Variants in MAN1A2 observed in about 807,000 individuals in gnomAD.
MAN1A2 encodes the protein mannosyl-oligosaccharide 1,2-alpha-mannosidase IB.
MAN1A2 carries 26 observed loss-of-function variants against 75.7 expected under a neutral mutation model. The ratio of observed to expected loss-of-function variants is 0.34; its 90% CI spans 0.25 to 0.48. The LOEUF (loss-of-function observed/expected upper bound fraction) is 0.48, where lower values mean the gene tolerates loss of function less well. Ranked by LOEUF, MAN1A2 falls within the 20% of genes least tolerant of loss-of-function variation. MAN1A2 has a pLI of 0.99. For synonymous variants in MAN1A2, 247 were observed against 264.6 expected, an observed-to-expected ratio of 0.93 and a Z score of 0.65; for missense variants, 562 against 775.5, an observed-to-expected ratio of 0.72 and a Z score of 3.27.
intron 8 of MAN1A2, among the ~76,000 whole-genome samples, chr1:117,484,177 A>C (rs933943589): frequency 1.3e-5 from 2 of 151,952 alleles, no homozygotes; most frequent in Non-Finnish European, 1.5e-5. Flanking sequence ...TATATTATAT[A>C]CTGTATTCTT....
chr1:117,489,111 A>G (rs922462232), intron 8 of MAN1A2, among the ~76,000 whole-genome samples: 37 of 152,206 alleles, frequency 2.4e-4, no homozygotes, highest in African/African-American at 8.7e-4. Context: ...ATGATTGTGC[A>G]GTCCTCCATA....
Position 117,486,558 on chromosome 1 carries a change from A to G in MAN1A2, c.1169-6589A>G, listed in dbSNP as rs143619063. On this transcript the variant is annotated intron_variant, in intron 8 of 12. Coordinates refer to ENST00000356554, the MANE Select transcript of MAN1A2 (RefSeq NM_006699.5). ...ATTCATAGAGTAAAAATAGGATGCT[A>G]TGAAAAGGAAGCAATTAGAGAATGA... 6.7e-3 allele frequency among the ~76,000 whole-genome samples: 1,024 copies of G among 152,140 alleles called. 5 individuals are homozygous for G. Among genetic ancestry groups the G allele is most frequent in the African/African-American group, 0.023 (968 of 41,552 alleles).
chr1:117,483,761 C>A (rs944768489), intron 8 of MAN1A2, among the ~76,000 whole-genome samples: 1 of 152,036 alleles, frequency 6.6e-6, no homozygotes, highest in African/African-American at 2.4e-5. Context: ...GCCAGAACTT[C>A]CAACACTATG....
chr1:117,435,430 G>A (rs891478592), intron 5 of MAN1A2, among the ~76,000 whole-genome samples: 1 of 152,142 alleles, frequency 6.6e-6, no homozygotes, highest in Non-Finnish European at 1.5e-5. Context: ...TCACATGTGT[G>A]GTCAATCCTT....
intron 6 of MAN1A2, among the ~76,000 whole-genome samples, chr1:117,448,195 G>A (rs1196935439): frequency 6.6e-6 from 1 of 152,074 alleles, no homozygotes; most frequent in Non-Finnish European, 1.5e-5. Flanking sequence ...CTGAACGGGA[G>A]CTTATTAATG....
chr1:117,432,531 A>G (rs1221187297), intron 5 of MAN1A2, among the ~76,000 whole-genome samples: 1 of 152,228 alleles, frequency 6.6e-6, no homozygotes, highest in Non-Finnish European at 1.5e-5. Context: ...TAACATAGAC[A>G]AAACAAATTT....
Position 117,414,713 on chromosome 1 carries a change from G to A in MAN1A2, c.656G>A (p.Gly219Glu), listed in dbSNP as rs770126128. The A allele has an allele frequency of 1.3e-6, 2 of 1,524,678 alleles. No individual in the cohort carries two copies. The highest frequency in any genetic ancestry group is 1.8e-6 in the Non-Finnish European group (2 of 1,100,636). 94.4% of individuals were successfully genotyped at this position (1,524,678 alleles called of 1,614,324 possible). ...ATAATTTTTTTCTTCCCAAATATAG[G>A]AAGTTCACAAATGGGTGCTACCATA... ...ARKGHSPNIF[G>E]SSQMGATIVD... The change falls in exon 4 of 13, where the codon GGA becomes GAA. Residue 219 changes from glycine (G) to glutamate (E), a missense_variant and splice_region_variant. This residue lies in a region of MAN1A2 where 434 missense variants were observed against 645.7 expected (regional missense o/e 0.67). Transcript: ENST00000356554.
intron 5 of MAN1A2, among the ~76,000 whole-genome samples, chr1:117,423,885 CTT>C (rs568455134): frequency 1.5e-4 from 21 of 140,994 alleles, no homozygotes; most frequent in African/African-American, 1.6e-4. Context: ...TTCTTTCTTT[CTT>C]TTTTTTTTTT....
At chr1:117,494,550 A>G (rs1650981601) in intron 9 of MAN1A2, 1 of 151,984 alleles carries the variant, frequency 6.6e-6, no homozygotes, top group Admixed American at 6.6e-5. Context: ...ATTTGTTACA[A>G]TTGTTTTTAA....
At chr1:117,453,617 G>A (rs1380081345) in intron 6 of MAN1A2, among the ~76,000 whole-genome samples, 2 of 152,192 alleles carry the variant, frequency 1.3e-5, no homozygotes, top group African/African-American at 4.8e-5. Flanking sequence ...TTACAGATGA[G>A]CAGAGAAAGT....
intron 1 of MAN1A2, among the ~76,000 whole-genome samples, chr1:117,391,865 A>T (rs886440379): frequency 6.6e-6 from 1 of 152,144 alleles, no homozygotes; most frequent in Non-Finnish European, 1.5e-5. Context: ...TCCAGTCAGT[A>T]TTGTGAAAAA....
At chr1:117,506,136 G>A (rs919734999) in intron 12 of MAN1A2, among the ~76,000 whole-genome samples, 5 of 151,402 alleles carry the variant, frequency 3.3e-5, no homozygotes, top group African/African-American at 7.3e-5. Flanking sequence ...GATAAGTATG[G>A]TCTCTTAAAT....
intron 6 of MAN1A2, among the ~76,000 whole-genome samples, chr1:117,442,617 G>A (rs1412848646): frequency 2.0e-5 from 3 of 151,998 alleles, no homozygotes; most frequent in Non-Finnish European, 4.4e-5. Flanking sequence ...TACAATATTT[G>A]TTTCTTTTAT....
In MAN1A2 at chr1:117,527,001, AAC is replaced by A. The variant is rs1175042007; in HGVS notation, c.*4048_*4049del. 7 of 150,740 alleles carry A rather than the reference AAC, an allele frequency of 4.6e-5. No individual in the cohort carries two copies. The highest frequency in any genetic ancestry group is 1.2e-4 in the African/African-American group (5 of 41,148). The allele number at this position is 150,740 out of a possible 1,614,324, so 9.3% of individuals were successfully genotyped here. ...TAATTTTTAATACTCTTTGTTAACA[AAC>A]ACAGTTGAAAACTGGTTTCGGCTGC... On this transcript the variant is annotated 3_prime_UTR_variant, in exon 13 of 13. Coordinates refer to ENST00000356554, the MANE Select transcript of MAN1A2 (RefSeq NM_006699.5).
At chr1:117,378,306 T>C (rs996808012) in intron 1 of MAN1A2, among the ~76,000 whole-genome samples, 1 of 152,196 alleles carries the variant, frequency 6.6e-6, no homozygotes, top group Admixed American at 6.5e-5. Flanking sequence ...GGTTTTATAT[T>C]TCCATAACGT....
chr1:117,425,192 CTCTA>C (rs1557944494), intron 5 of MAN1A2, among the ~76,000 whole-genome samples: 1 of 151,628 alleles, frequency 6.6e-6, no homozygotes, highest in Non-Finnish European at 1.5e-5. Context: ...AGGATCAGAA[CTCTA>C]TCTATAAAAA....
intron 12 of MAN1A2, among the ~76,000 whole-genome samples, chr1:117,509,646 C>CT (rs1353234119): frequency 1.3e-5 from 2 of 151,898 alleles, no homozygotes; most frequent in Admixed American, 6.6e-5. Flanking sequence ...GTTTGTTGAG[C>CT]TATATATACA....
At chr1:117,514,905 A>T (rs1557980868) in intron 12 of MAN1A2, 1 of 532,866 alleles carries the variant, frequency 1.9e-6, no homozygotes. Context: ...AGTAGCATCA[A>T]GTCCCCTATT....
chr1:117,375,434 A>G (rs1653103069), intron 1 of MAN1A2, among the ~76,000 whole-genome samples: 1 of 152,172 alleles, frequency 6.6e-6, no homozygotes, highest in South Asian at 2.1e-4. Context: ...TTTTTTTAAA[A>G]AAAGAGGAAA....
Sources: gnomAD v4.1 joint callset for allele counts (sites outside exome capture counted in the v4.1 genomes callset) on GRCh38, gnomAD v4.1.1 for gene constraint, gnomAD v4.1.1 regional missense constraint, MANE v1.5 for transcripts, NCBI Gene and HGNC (gene_info 2026-07-23, HGNC 2026-07-21) for gene names.